Variants in IMP3 observed in about 807,000 individuals in gnomAD.
The protein encoded by IMP3 is IMP U3 small nucleolar ribonucleoprotein 3.
A neutral mutation model predicts 10.2 loss-of-function variants in IMP3; 17 were observed. That is an observed-to-expected ratio of 1.67 (90% CI 1.14 to 2.50). The LOEUF (loss-of-function observed/expected upper bound fraction) is 2.50, where lower values mean the gene tolerates loss of function less well. Among genes scored for constraint, IMP3 ranks in the 30% most tolerant of loss-of-function variants. The probability of loss-of-function intolerance (pLI) is 0.00; values close to 1 mark genes in which losing one functional copy is unlikely to be tolerated. For missense variants in IMP3, 290 were observed against 260.2 expected (o/e 1.11, Z -0.79); for synonymous variants, 167 against 120.1 (o/e 1.39, Z -2.55).
chr15:75,639,624 A>G lies in IMP3; in HGVS notation c.545T>C (p.Leu182Pro). ...EYNEERDDFD[L>P]EA ...AAAGTGGGAGATCCGCTAGGCTTCC[A>G]GATCGAAGTCATCGCGCTCCTCATT... Residue 182 changes from leucine to proline, a missense_variant, in exon 1 of 1, where the codon CTG becomes CCG. By Grantham distance (98) the Leu-to-Pro change is moderately conservative. Coordinates refer to ENST00000403490, the MANE Select transcript of IMP3 (RefSeq NM_018285.4). 6.2e-7 allele frequency: 1 copy of G among 1,613,642 alleles called. No individual in the cohort carries two copies. Among genetic ancestry groups the G allele is most frequent in the Non-Finnish European group, 8.5e-7 (1 of 1,179,942 alleles).
Position 75,640,029 on chromosome 15 carries a change from C to G in IMP3, c.140G>C (p.Arg47Pro). The G allele has an allele frequency of 1.3e-6, 2 of 1,598,928 alleles. No individual in the cohort carries two copies. The highest frequency in any genetic ancestry group is 1.7e-6 in the Non-Finnish European group (2 of 1,174,140). The change falls in exon 1 of 1, where the codon CGC becomes CCC. Residue 47 changes from arginine (R) to proline (P), a missense_variant. Coordinates refer to ENST00000403490, the MANE Select transcript of IMP3 (RefSeq NM_018285.4). ...CACGGCACGGCTCAGCTGGTTGTAG[C>G]GCGTGTAGTCCTCCCGCCGCTGCAG... ...YRLQRREDYT[R>P]YNQLSRAVRE...
Position 75,640,216 on chromosome 15 carries a change from G to A in IMP3, c.-48C>T, listed in dbSNP as rs532517242. The A allele has an allele frequency of 3.4e-6, 5 of 1,470,858 alleles. No homozygotes were observed. Among genetic ancestry groups the A allele is most frequent in the East Asian group, 2.5e-5 (1 of 40,434 alleles). The allele number at this position is 1,470,858 out of a possible 1,614,324, so 91.1% of individuals were successfully genotyped here. A position where few individuals can be genotyped will look rare whatever the true frequency, so the allele number is the denominator to read the frequency against. ...GGACCCGAAGCTGAGAGCGCGTTCT[G>A]GCATCCGCGCGATTTCCGCCGCGGC... On this transcript the variant is annotated 5_prime_UTR_variant, in exon 1 of 1. Transcript: ENST00000403490.
In IMP3 at chr15:75,640,014, C is replaced by A; in HGVS notation, c.155G>T (p.Ser52Ile). 1 of 1,601,732 alleles carries A rather than the reference C, an allele frequency of 6.2e-7. No homozygotes were observed. Among genetic ancestry groups the A allele is most frequent in the Non-Finnish European group, 8.5e-7 (1 of 1,175,256 alleles). ...REDYTRYNQLSRAVRELARRL... is the reference protein window; with the variant it reads ...REDYTRYNQLIRAVRELARRL... ...CCGCGCCAGCTCACGCACGGCACGGCTCAGCTGGTTGTAGCGCGTGTAGTC... is the reference window on the plus strand; with the variant it reads ...CCGCGCCAGCTCACGCACGGCACGGATCAGCTGGTTGTAGCGCGTGTAGTC... Residue 52 changes from serine to isoleucine, a missense_variant, in exon 1 of 1, where the codon AGC becomes ATC. Transcript: ENST00000403490.
chr15:75,639,910 CGAGAGCATACAGCT>C lies in IMP3; in HGVS notation c.245_258del (p.Lys82ArgfsTer55). On this transcript the variant is annotated frameshift_variant, in exon 1 of 1. Coordinates refer to ENST00000403490, the MANE Select transcript of IMP3 (RefSeq NM_018285.4). LOFTEE classifies it high-confidence loss of function. The stretch of plus-strand genomic sequence containing the variant: ...AGCGAACCGCGCGTGGGCACCAAGC[CGAGAGCATACAGCT>C]TGTCCAGCAGCGCGGCCGAAGCGCG... The C allele has an allele frequency of 6.2e-7, 1 of 1,610,762 alleles. No homozygotes were observed. The highest frequency in any genetic ancestry group is 8.5e-7 in the Non-Finnish European group (1 of 1,179,070).
chr15:75,639,925 T>A lies in IMP3; in HGVS notation c.244A>T (p.Lys82Ter), dbSNP rs368199793. Residue 82 changes from lysine (K) to a stop codon, truncating the protein, a stop_gained, in exon 1 of 1, where the codon AAG (lysine) becomes TAG (stop). Transcript: ENST00000403490. LOFTEE classifies it high-confidence loss of function. ...RVRASAALLD[K>*]LYALGLVPTR... ...GGCACCAAGCCGAGAGCATACAGCT[T>A]GTCCAGCAGCGCGGCCGAAGCGCGC... The A allele has an allele frequency of 4.3e-6, 7 of 1,609,318 alleles. No individual in the cohort carries two copies. Among genetic ancestry groups the A allele is most frequent in the Non-Finnish European group, 5.9e-6 (7 of 1,178,330 alleles).
Position 75,640,192 on chromosome 15 carries a change from G to C in IMP3, c.-24C>G. On this transcript the variant is annotated 5_prime_UTR_variant, in exon 1 of 1. Transcript: ENST00000403490. ...ATGATGGCGGCAGCCGCAGCCGCAG[G>C]ACCCGAAGCTGAGAGCGCGTTCTGG... is the stretch of plus-strand genomic sequence containing the variant. The C allele has an allele frequency of 6.7e-7, 1 of 1,497,024 alleles. No homozygotes were observed. Among genetic ancestry groups the C allele is most frequent in the South Asian group, 1.3e-5 (1 of 74,294 alleles). 92.7% of individuals were successfully genotyped at this position (1,497,024 alleles called of 1,614,324 possible). A position where few individuals can be genotyped will look rare whatever the true frequency, so the allele number is the denominator to read the frequency against.
In IMP3 at chr15:75,639,572, T is replaced by C. The variant is rs754749378; in HGVS notation, c.*42A>G. The C allele has an allele frequency of 9.5e-6, 15 of 1,576,148 alleles. No homozygotes were observed. The South Asian group carries it at 1.1e-4, about 12-fold the overall frequency. ...AGAATCTCCAGCATCAGGCCTCAGTTTTCCCATCTGTAAAAGACAGCCATG... is the reference window on the plus strand; with the variant it reads ...AGAATCTCCAGCATCAGGCCTCAGTCTTCCCATCTGTAAAAGACAGCCATG... On this transcript the variant is annotated 3_prime_UTR_variant, in exon 1 of 1. Transcript: ENST00000403490.
rs755189853 is a variant in IMP3 at position 75,639,861 on chromosome 15, G to A, written c.308C>T (p.Ala103Val). The stretch of plus-strand genomic sequence containing the variant: ...GAGGCGGCGGCGGCAGAAGGACGAG[G>A]CCGTGACGAAGTCGCAGAGCTCCAG... Reference protein sequence around the residue: ...GSLELCDFVTASSFCRRRLPT... With the variant: ...GSLELCDFVTVSSFCRRRLPT... The change falls in exon 1 of 1, where the codon GCC becomes GTC. Residue 103 changes from alanine (A) to valine (V), a missense_variant. Coordinates refer to ENST00000403490, the MANE Select transcript of IMP3 (RefSeq NM_018285.4). The A allele has an allele frequency of 8.1e-6, 13 of 1,611,462 alleles. No homozygotes were observed. The highest frequency in any genetic ancestry group is 1.6e-4 in the Middle Eastern group (1 of 6,068).
chr15:75,639,813 C>A lies in IMP3; in HGVS notation c.356G>T (p.Arg119Leu), dbSNP rs1566964294. 1.9e-6 allele frequency: 3 copies of A among 1,611,656 alleles called. No homozygotes were observed. The highest frequency in any genetic ancestry group is 1.7e-4 in the Middle Eastern group (1 of 6,048). The change falls in exon 1 of 1, where the codon CGC becomes CTC. Residue 119 changes from arginine to leucine, a missense_variant. Physicochemically the swap from Arg to Leu is moderately radical, Grantham distance 102. Coordinates refer to ENST00000403490, the MANE Select transcript of IMP3 (RefSeq NM_018285.4). ...GGCAGCCTGAAGGTGCTGCGCCATGCGCAGCTTGAGGAGCACGGTGGGGAG... is the reference window on the plus strand; with the variant it reads ...GGCAGCCTGAAGGTGCTGCGCCATGAGCAGCTTGAGGAGCACGGTGGGGAG... ...RRLPTVLLKL[R>L]MAQHLQAAVA... is the part of the protein sequence containing the mutation.
Position 75,639,971 on chromosome 15 carries a change from G to C in IMP3, c.198C>G (p.Pro66=). Reference sequence around the variant, plus strand: ...CGCGCACGCGGAACTGGTCGCGTTCGGGCAGGTCGCGCAGGCGCCGCGCCA... The same window carrying C: ...CGCGCACGCGGAACTGGTCGCGTTCCGGCAGGTCGCGCAGGCGCCGCGCCA... ...RELARRLRDL[P]ERDQFRVRAS... The change falls in exon 1 of 1, where the codon CCC becomes CCG. Residue 66 remains proline (P), a synonymous_variant. Transcript: ENST00000403490. 1.2e-6 allele frequency: 2 copies of C among 1,604,248 alleles called. No individual in the cohort carries two copies. The highest frequency in any genetic ancestry group is 1.7e-6 in the Non-Finnish European group (2 of 1,175,940).
chr15:75,639,428 A>C lies in IMP3; in HGVS notation c.*186T>G. 1.7e-6 allele frequency: 1 copy of C among 604,524 alleles called. No homozygotes were observed. The highest frequency in any genetic ancestry group is 2.8e-5 in the East Asian group (1 of 35,554). 37.4% of individuals were successfully genotyped at this position (604,524 alleles called of 1,614,324 possible). A position where few individuals can be genotyped will look rare whatever the true frequency, so the allele number is the denominator to read the frequency against. On this transcript the variant is annotated 3_prime_UTR_variant, in exon 1 of 1. Coordinates refer to ENST00000403490, the MANE Select transcript of IMP3 (RefSeq NM_018285.4). ...TTAATAATCAGTAGTCCAAGTTCTA[A>C]GAACATTCCCTGGAAAACAAGGACG... is the stretch of plus-strand genomic sequence containing the variant.
In IMP3 at chr15:75,639,930, A is replaced by G; in HGVS notation, c.239T>C (p.Leu80Pro). Reference sequence around the variant, plus strand: ...CAAGCCGAGAGCATACAGCTTGTCCAGCAGCGCGGCCGAAGCGCGCACGCG... The same window carrying G: ...CAAGCCGAGAGCATACAGCTTGTCCGGCAGCGCGGCCGAAGCGCGCACGCG... ...QFRVRASAAL[L>P]DKLYALGLVP... The change falls in exon 1 of 1, where the codon CTG becomes CCG. Residue 80 changes from leucine (L) to proline (P), a missense_variant. By Grantham distance (98) the Leu-to-Pro change is moderately conservative. Coordinates refer to ENST00000403490, the MANE Select transcript of IMP3 (RefSeq NM_018285.4). The G allele has an allele frequency of 6.2e-7, 1 of 1,608,662 alleles. No individual in the cohort carries two copies. Among genetic ancestry groups the G allele is most frequent in the South Asian group, 1.1e-5 (1 of 90,770 alleles).
chr15:75,639,319 A>G lies in IMP3; in HGVS notation c.*295T>C, dbSNP rs968918533. Reference sequence around the variant, plus strand: ...GGGGATTTCCAGTTTTTCCTTTTACATTACAAAGTTTCCAACACAAGAAGC... The same window carrying G: ...GGGGATTTCCAGTTTTTCCTTTTACGTTACAAAGTTTCCAACACAAGAAGC... On this transcript the variant is annotated 3_prime_UTR_variant, in exon 1 of 1. Transcript: ENST00000403490. 1 of 403,312 alleles carries G rather than the reference A, an allele frequency of 2.5e-6. No individual in the cohort carries two copies. Among genetic ancestry groups the G allele is most frequent in the African/African-American group, 2.1e-5 (1 of 47,634 alleles). The allele number at this position is 403,312 out of a possible 1,614,324, so 25.0% of individuals were successfully genotyped here.
chr15:75,639,778 C>A lies in IMP3; in HGVS notation c.391G>T (p.Val131Leu), dbSNP rs763586756. ...CCCACGCGTACGTGCCCTTGCTCCA[C>A]AAAGGCCACGGCAGCCTGAAGGTGC... Reference protein sequence around the residue: ...AQHLQAAVAFVEQGHVRVGPD... With the variant: ...AQHLQAAVAFLEQGHVRVGPD... The change falls in exon 1 of 1, where the codon GTG (valine) becomes TTG (leucine). Residue 131 changes from valine to leucine, a missense_variant. Val to Leu is a conservative substitution (Grantham distance 32). Coordinates refer to ENST00000403490, the MANE Select transcript of IMP3 (RefSeq NM_018285.4). The A allele has an allele frequency of 6.2e-7, 1 of 1,613,170 alleles. No individual in the cohort carries two copies. The highest frequency in any genetic ancestry group is 2.2e-5 in the East Asian group (1 of 44,886).
rs370952107 is a variant in IMP3, at chr15:75,640,213, T to A, written c.-45A>T. 2 of 1,474,250 alleles carry A rather than the reference T, an allele frequency of 1.4e-6. No homozygotes were observed. Among genetic ancestry groups the A allele is most frequent in the Non-Finnish European group, 1.8e-6 (2 of 1,113,380 alleles). 91.3% of individuals were successfully genotyped at this position (1,474,250 alleles called of 1,614,324 possible). ...GCAGGACCCGAAGCTGAGAGCGCGT[T>A]CTGGCATCCGCGCGATTTCCGCCGC... On this transcript the variant is annotated 5_prime_UTR_variant, in exon 1 of 1. Transcript: ENST00000403490.
In IMP3 at chr15:75,640,195, C is replaced by T. The variant is rs766445594; in HGVS notation, c.-27G>A. 1 of 1,494,724 alleles carries T rather than the reference C, an allele frequency of 6.7e-7. No homozygotes were observed. Among genetic ancestry groups the T allele is most frequent in the African/African-American group, 1.4e-5 (1 of 70,452 alleles). The allele number at this position is 1,494,724 out of a possible 1,614,324, so 92.6% of individuals were successfully genotyped here. A position where few individuals can be genotyped will look rare whatever the true frequency, so the allele number is the denominator to read the frequency against. ...ATGGCGGCAGCCGCAGCCGCAGGACCCGAAGCTGAGAGCGCGTTCTGGCAT... is the reference window on the plus strand; with the variant it reads ...ATGGCGGCAGCCGCAGCCGCAGGACTCGAAGCTGAGAGCGCGTTCTGGCAT... On this transcript the variant is annotated 5_prime_UTR_variant, in exon 1 of 1. Coordinates refer to ENST00000403490, the MANE Select transcript of IMP3 (RefSeq NM_018285.4).
Position 75,640,132 on chromosome 15 carries a change from G to A in IMP3, c.37C>T (p.Leu13=). 2 of 1,573,842 alleles carry A rather than the reference G, an allele frequency of 1.3e-6. No homozygotes were observed. The highest frequency in any genetic ancestry group is 1.7e-6 in the Non-Finnish European group (2 of 1,156,112). ...CAGTTCAGGAAGTCCACCTGCTTCAGCAGCTTCTGCTCGTGGAACTTAAGC... is the reference window on the plus strand; with the variant it reads ...CAGTTCAGGAAGTCCACCTGCTTCAACAGCTTCTGCTCGTGGAACTTAAGC... The part of the protein sequence containing the change: ...RKLKFHEQKL[L]KQVDFLNWEV... The change falls in exon 1 of 1, where the codon CTG becomes TTG. Residue 13 remains leucine, a synonymous_variant. Coordinates refer to ENST00000403490, the MANE Select transcript of IMP3 (RefSeq NM_018285.4).
chr15:75,639,352 A>T lies in IMP3; in HGVS notation c.*262T>A. ...GTTTCCAACACAAGAAGCCAACAAT[A>T]CCCCAGTGCTGCACCAAGTTACTTC... On this transcript the variant is annotated 3_prime_UTR_variant, in exon 1 of 1. Transcript: ENST00000403490. The T allele has an allele frequency of 2.1e-6, 1 of 472,818 alleles. No homozygotes were observed. The allele number at this position is 472,818 out of a possible 1,614,324, so 29.3% of individuals were successfully genotyped here. A position where few individuals can be genotyped will look rare whatever the true frequency, so the allele number is the denominator to read the frequency against.
chr15:75,640,110 T>G lies in IMP3; in HGVS notation c.59A>C (p.Asn20Thr). ...CAGGTTGTGGTCGGTGACCTCCCAG[T>G]TCAGGAAGTCCACCTGCTTCAGCAG... ...QKLLKQVDFL[N>T]WEVTDHNLHE... Residue 20 changes from asparagine to threonine, a missense_variant, in exon 1 of 1, where the codon AAC becomes ACC. Coordinates refer to ENST00000403490, the MANE Select transcript of IMP3 (RefSeq NM_018285.4). 6.3e-7 allele frequency: 1 copy of G among 1,593,940 alleles called. No homozygotes were observed. Among genetic ancestry groups the G allele is most frequent in the Non-Finnish European group, 8.6e-7 (1 of 1,169,158 alleles).
Sources: allele counts gnomAD v4.1 joint callset, GRCh38; gene constraint gnomAD v4.1.1; transcripts MANE v1.5; gene names NCBI Gene and HGNC (gene_info 2026-07-23, HGNC 2026-07-21).